Variants in ADAM23 observed in about 807,000 individuals in gnomAD.
ADAM23 encodes ADAM metallopeptidase domain 23.
ADAM23 carries 33 observed loss-of-function variants against 120.1 expected under a neutral mutation model. The ratio of observed to expected loss-of-function variants is 0.27; its 90% confidence interval spans 0.21 to 0.37. The LOEUF (loss-of-function observed/expected upper bound fraction) is 0.37. ADAM23 is among the 10% of genes least tolerant of loss of function. The pLI is 1.00. For synonymous variants in ADAM23, 367 were observed against 375.2 expected (o/e 0.98, Z 0.25); for missense variants, 862 against 1,058.2 (o/e 0.81, Z 2.57).
Position 206,461,066 on chromosome 2 carries a change from T to C in ADAM23, c.432+15542T>C, listed in dbSNP as rs573041618. On this transcript the variant is annotated intron_variant, in intron 2 of 25. Coordinates refer to ENST00000264377, the MANE Select transcript of ADAM23 (RefSeq NM_003812.4). ...TTCTTTCATTCTTTTTCTTCTTCTT[T>C]TTTTTTTTTTTTTTGAGATGGAGTC... is the stretch of plus-strand genomic sequence containing the variant. Among the ~76,000 whole-genome samples, 501 of 148,580 alleles carry C rather than the reference T, an allele frequency of 3.4e-3. 2 individuals carry two copies. The highest frequency in any genetic ancestry group is 5.3e-3 in the Non-Finnish European group (356 of 66,800).
intron 2 of ADAM23, among the ~76,000 whole-genome samples, chr2:206,448,617 A>G (rs972066332): frequency 9.9e-5 from 15 of 152,172 alleles, no homozygotes; most frequent in African/African-American, 3.6e-4. Context: ...TTTGCACCCC[A>G]CAACCCCAAA....
At chr2:206,491,736 T>C (rs1017538867) in intron 3 of ADAM23, among the ~76,000 whole-genome samples, 1 of 152,224 alleles carries the variant, frequency 6.6e-6, no homozygotes, top group African/African-American at 2.4e-5. Context: ...TTGTGTAATT[T>C]TCATTATCTG....
In ADAM23 at chr2:206,618,529, T is replaced by G. The variant is rs1688337633; in HGVS notation, c.*902T>G. 1 of 152,258 alleles carries G rather than the reference T, an allele frequency of 6.6e-6. No individual in the cohort carries two copies. Among genetic ancestry groups the G allele is most frequent in the Non-Finnish European group, 1.5e-5 (1 of 68,054 alleles). The allele number at this position is 152,258 out of a possible 1,614,324, so 9.4% of individuals were successfully genotyped here. On this transcript the variant is annotated 3_prime_UTR_variant, in exon 26 of 26. Coordinates refer to ENST00000264377, the MANE Select transcript of ADAM23 (RefSeq NM_003812.4). ...GGTTCTCTGTAAACTTGAGTTGATT[T>G]TTTGCTCCCCATCTTTTTTGTTTCT...
chr2:206,462,584 T>G (rs1695446767), intron 2 of ADAM23, among the ~76,000 whole-genome samples: 1 of 152,176 alleles, frequency 6.6e-6, no homozygotes, highest in Non-Finnish European at 1.5e-5. Context: ...AGGGTTAGAA[T>G]TCTGTGTTCA....
intron 2 of ADAM23, among the ~76,000 whole-genome samples, chr2:206,465,031 G>A (rs577254554): frequency 3.6e-4 from 54 of 152,066 alleles, no homozygotes; most frequent in African/African-American, 1.3e-3. Flanking sequence ...TCTGCCCTAA[G>A]TACTACAACA....
intron 2 of ADAM23, among the ~76,000 whole-genome samples, chr2:206,450,960 G>T (rs537996200): frequency 9.9e-5 from 15 of 152,180 alleles, no homozygotes; most frequent in Admixed American, 5.9e-4. Context: ...CAAGGTAGCC[G>T]CTGATGTGTG....
intron 2 of ADAM23, among the ~76,000 whole-genome samples, chr2:206,448,493 AGTG>A: frequency 1.5e-5 from 2 of 130,380 alleles, no homozygotes; most frequent in Non-Finnish European, 3.5e-5. Flanking sequence ...GAATCTCCAG[AGTG>A]ATGAGTGTCT....
chr2:206,507,525 A>G (rs933379789), intron 3 of ADAM23, among the ~76,000 whole-genome samples: 1 of 152,158 alleles, frequency 6.6e-6, no homozygotes, highest in Non-Finnish European at 1.5e-5. Context: ...AGCAGATGCC[A>G]CCATGCTTCC....
intron 25 of ADAM23, among the ~76,000 whole-genome samples, chr2:206,613,659 G>T (rs1698878691): frequency 6.6e-6 from 1 of 152,114 alleles, no homozygotes; most frequent in Non-Finnish European, 1.5e-5. Context: ...AACATTAAAT[G>T]ATGATACTGC....
At chr2:206,485,116 T>G (rs1333147557) in intron 3 of ADAM23, among the ~76,000 whole-genome samples, 1 of 152,216 alleles carries the variant, frequency 6.6e-6, no homozygotes, top group African/African-American at 2.4e-5. Flanking sequence ...CCCCATGCTG[T>G]CCTGAGCTTT....
chr2:206,483,821 A>T (rs923306280), intron 3 of ADAM23, among the ~76,000 whole-genome samples: 1 of 152,054 alleles, frequency 6.6e-6, no homozygotes, highest in Non-Finnish European at 1.5e-5. Context: ...ATGAGAGGGG[A>T]CAGAAACCGG....
At chr2:206,470,007 T>C (rs1056943150) in intron 2 of ADAM23, among the ~76,000 whole-genome samples, 2 of 152,236 alleles carry the variant, frequency 1.3e-5, no homozygotes, top group African/African-American at 4.8e-5. Flanking sequence ...TCTACTTTAA[T>C]CTTTTTACCT....
chr2:206,501,969 T>A (rs1196753446), intron 3 of ADAM23, among the ~76,000 whole-genome samples: 1 of 152,176 alleles, frequency 6.6e-6, no homozygotes, highest in Non-Finnish European at 1.5e-5. Flanking sequence ...AGTATCTTCT[T>A]TACAGAAAAT....
chr2:206,575,351 C>A (rs1216739810), intron 18 of ADAM23, among the ~76,000 whole-genome samples: 1 of 152,144 alleles, frequency 6.6e-6, no homozygotes, highest in Non-Finnish European at 1.5e-5. Context: ...CATACTGTTA[C>A]ACAGTTTTTA....
intron 16 of ADAM23, 56 bp downstream of exon 16, chr2:206,570,867 G>T: frequency 1.3e-6 from 2 of 1,491,376 alleles, no homozygotes; most frequent in South Asian, 2.3e-5. Context: ...GTGCAAACAG[G>T]TATAGCATTT....
At position 206,483,993 on chromosome 2, in the gene ADAM23, G is replaced by A. The variant is rs546410142; in HGVS notation, c.509+2685G>A. Among the ~76,000 whole-genome samples, 4 of 152,314 alleles carry A rather than the reference G, an allele frequency of 2.6e-5. No homozygotes were observed. In the South Asian group the frequency reaches 8.3e-4, roughly 32 times the overall value. ...TTGGCAGAGCAAGTTAACAGAGCAA[G>A]TTTGGTGGACTGAGAGACGGAGCTG... is the stretch of plus-strand genomic sequence containing the variant. On this transcript the variant is annotated intron_variant, in intron 3 of 25. Transcript: ENST00000264377.
intron 9 of ADAM23, among the ~76,000 whole-genome samples, 157 bp downstream of exon 9, chr2:206,550,317 G>C (rs1182270172): frequency 6.6e-6 from 1 of 152,016 alleles, no homozygotes; most frequent in Non-Finnish European, 1.5e-5. Flanking sequence ...GAGACTCTGA[G>C]TTTTATAGAA....
intron 3 of ADAM23, among the ~76,000 whole-genome samples, chr2:206,522,941 C>T (rs1249932324): frequency 6.6e-6 from 1 of 151,932 alleles, no homozygotes; most frequent in African/African-American, 2.4e-5. Flanking sequence ...ATGTGTTATC[C>T]ACTTCATATG....
chr2:206,476,561 C>T (rs558600212), intron 2 of ADAM23, among the ~76,000 whole-genome samples: 2 of 152,242 alleles, frequency 1.3e-5, no homozygotes, highest in Admixed American at 6.5e-5. Flanking sequence ...TTGCATACTC[C>T]TTATGAGAAT....
Sources: allele counts gnomAD v4.1 joint callset (sites outside exome capture counted in the v4.1 genomes callset), GRCh38; gene constraint gnomAD v4.1.1; transcripts MANE v1.5; gene names NCBI Gene and HGNC (gene_info 2026-07-23, HGNC 2026-07-21).